The following PEBP4 variants were observed in gnomAD, a reference collection of about 807,000 sequenced individuals.
PEBP4 encodes the protein phosphatidylethanolamine-binding protein 4.
PEBP4 carries 22 observed loss-of-function variants against 23.9 expected under a neutral mutation model. The ratio of observed to expected loss-of-function variants is 0.92; its 90% CI spans 0.66 to 1.31. The LOEUF (loss-of-function observed/expected upper bound fraction) is 1.31, where lower values mean the gene tolerates loss of function less well. PEBP4 is among the 40% of genes most tolerant of loss of function. The pLI is 0.00. For missense variants in PEBP4, 324 were observed against 281.7 expected (o/e 1.15, Z -1.07); for synonymous variants, 112 against 99.3 (o/e 1.13, Z -0.76).
Position 22,826,898 on chromosome 8 carries a change from G to A in PEBP4, c.259-9163C>T, listed in dbSNP as rs563231688. Among the ~76,000 whole-genome samples, 19 of 152,250 alleles carry A rather than the reference G, an allele frequency of 1.2e-4. No individual in the cohort carries two copies. The South Asian group carries it at 3.7e-3, about 30-fold the overall frequency. On this transcript the variant is annotated intron_variant, in intron 3 of 6. Transcript: ENST00000256404. The stretch of plus-strand genomic sequence containing the variant: ...AAATAAACCAAACTTATAAAATAAC[G>A]TGGAATGTGCAGCAGTCACATAATA...
chr8:22,714,677 A>G (rs1488802501), intron 6 of PEBP4, among the ~76,000 whole-genome samples: 1 of 151,972 alleles, frequency 6.6e-6, no homozygotes, highest in Non-Finnish European at 1.5e-5. Context: ...TGATACCCAG[A>G]CAGAAGAGGG....
chr8:22,744,242 G>T (rs528765839), intron 4 of PEBP4, among the ~76,000 whole-genome samples: 1 of 152,328 alleles, frequency 6.6e-6, no homozygotes, highest in African/African-American at 2.4e-5. Context: ...AGGGAGTCTT[G>T]GTGACTGGTA....
intron 3 of PEBP4, among the ~76,000 whole-genome samples, chr8:22,832,539 G>C (rs1807108217): frequency 6.6e-6 from 1 of 152,186 alleles, no homozygotes; most frequent in South Asian, 2.1e-4. Flanking sequence ...CCTGACCTAA[G>C]ATGTTCAGGG....
intron 4 of PEBP4, among the ~76,000 whole-genome samples, chr8:22,734,494 G>T (rs191512649): frequency 2.8e-4 from 42 of 152,268 alleles, no homozygotes; most frequent in African/African-American, 8.9e-4. Context: ...TCAAAGACTT[G>T]GTAGGCCTTT....
chr8:22,898,061 C>A (rs1055183139), intron 3 of PEBP4, among the ~76,000 whole-genome samples: 7 of 152,144 alleles, frequency 4.6e-5, no homozygotes, highest in Non-Finnish European at 8.8e-5. Flanking sequence ...ATAATTCCAG[C>A]TTCCAGAACA....
intron 3 of PEBP4, among the ~76,000 whole-genome samples, chr8:22,844,702 C>T (rs528975915): frequency 7.2e-4 from 110 of 152,332 alleles, no homozygotes; most frequent in African/African-American, 2.5e-3. Context: ...GGAGAGACCA[C>T]TCCTTCCTAG....
At chr8:22,714,329 C>A (rs953566985) in intron 6 of PEBP4, among the ~76,000 whole-genome samples, 1 of 152,128 alleles carries the variant, frequency 6.6e-6, no homozygotes, top group Non-Finnish European at 1.5e-5. Flanking sequence ...CATATTCCCA[C>A]GTTCTTGTTT....
intron 3 of PEBP4, among the ~76,000 whole-genome samples, chr8:22,823,300 C>G (rs927958928): frequency 3.3e-5 from 5 of 151,874 alleles, no homozygotes; most frequent in Non-Finnish European, 4.4e-5. Flanking sequence ...AATAAACAAA[C>G]TTAGGTCCCT....
At chr8:22,847,818 C>G (rs1807469400) in intron 3 of PEBP4, among the ~76,000 whole-genome samples, 1 of 152,110 alleles carries the variant, frequency 6.6e-6, no homozygotes, top group Non-Finnish European at 1.5e-5. Context: ...AACCCCAGCC[C>G]CCAAAATGCT....
intron 3 of PEBP4, among the ~76,000 whole-genome samples, chr8:22,834,948 C>CT (rs908315274): frequency 3.2e-4 from 48 of 152,336 alleles, no homozygotes; most frequent in African/African-American, 1.1e-3. Context: ...AAACCAACCC[C>CT]TTAGTCTCCT....
At chr8:22,833,796 G>A (rs960460109) in intron 3 of PEBP4, among the ~76,000 whole-genome samples, 3 of 152,206 alleles carry the variant, frequency 2.0e-5, no homozygotes, top group African/African-American at 7.2e-5. Context: ...AAGCTACCAA[G>A]GCTGGGCCCC....
At chr8:22,800,483 C>T (rs1174615758) in intron 4 of PEBP4, among the ~76,000 whole-genome samples, 3 of 152,078 alleles carry the variant, frequency 2.0e-5, no homozygotes, top group Non-Finnish European at 4.4e-5. Flanking sequence ...GTGCCATCAG[C>T]CCTGTCCCCG....
At chr8:22,854,200 G>C (rs1412178858) in intron 3 of PEBP4, among the ~76,000 whole-genome samples, 1 of 152,164 alleles carries the variant, frequency 6.6e-6, no homozygotes, top group East Asian at 1.9e-4. Flanking sequence ...GCAGCCTCTA[G>C]GTAAGTGAGG....
rs138758728 is a variant in PEBP4 at position 22,790,852 on chromosome 8, C to T, written c.357+26785G>A. Among the ~76,000 whole-genome samples, 86 of 152,290 alleles carry T rather than the reference C, an allele frequency of 5.6e-4. No individual in the cohort carries two copies. In the East Asian group the frequency reaches 0.013, roughly 23 times the overall value. Reference sequence around the variant, plus strand: ...TCAAGAACTATGTATAGATATTATGCATCCAGGGTACTTTAAAGATCAAAC... The same window carrying T: ...TCAAGAACTATGTATAGATATTATGTATCCAGGGTACTTTAAAGATCAAAC... On this transcript the variant is annotated intron_variant, in intron 4 of 6. Transcript: ENST00000256404.
intron 4 of PEBP4, among the ~76,000 whole-genome samples, chr8:22,786,802 A>G (rs145750302): frequency 4.4e-4 from 67 of 150,924 alleles, no homozygotes; most frequent in African/African-American, 1.6e-3. Flanking sequence ...CTATGCAGGA[A>G]ACAGGGCTGC....
chr8:22,856,662 A>G (rs1807659044), intron 3 of PEBP4, among the ~76,000 whole-genome samples: 1 of 152,170 alleles, frequency 6.6e-6, no homozygotes, highest in Non-Finnish European at 1.5e-5. Flanking sequence ...GTTTCTGTGA[A>G]CCGAGATTGC....
At chr8:22,802,927 C>A (rs1806417931) in intron 4 of PEBP4, among the ~76,000 whole-genome samples, 1 of 152,094 alleles carries the variant, frequency 6.6e-6, no homozygotes, top group Admixed American at 6.5e-5. Context: ...TAATAGAGAC[C>A]CACAGGGCGG....
chr8:22,737,785 C>T lies in PEBP4; in HGVS notation c.358-10565G>A, dbSNP rs996138824. ...CTGAGTTTCCGTACCTATAAAGTGG[C>T]GATGATAACGATACCTGCCCTGGTT... On this transcript the variant is annotated intron_variant, in intron 4 of 6. Transcript: ENST00000256404. Among the ~76,000 whole-genome samples, 5 of 152,162 alleles carry T rather than the reference C, an allele frequency of 3.3e-5. No homozygotes were observed. In the East Asian group the frequency reaches 5.8e-4, roughly 18 times the overall value.
intron 4 of PEBP4, among the ~76,000 whole-genome samples, chr8:22,739,241 G>A (rs1267479308): frequency 6.6e-6 from 1 of 152,218 alleles, no homozygotes; most frequent in Non-Finnish European, 1.5e-5. Flanking sequence ...CCCTCCTCCC[G>A]TGCTGCATGT....
Sources: allele counts gnomAD v4.1 joint callset (sites outside exome capture counted in the v4.1 genomes callset), GRCh38; gene constraint gnomAD v4.1.1; transcripts MANE v1.5; gene names NCBI Gene and HGNC (gene_info 2026-07-23, HGNC 2026-07-21).